The following CLCA2 variants were observed in gnomAD, a reference collection of about 807,000 sequenced individuals.
CLCA2 encodes chloride channel accessory 2, also known as calcium-activated chloride channel regulator 2.
A neutral mutation model predicts 82.9 loss-of-function variants in CLCA2; 85 were observed. The observed-to-expected ratio is 1.03, with a 90% CI of 0.86 to 1.23. The LOEUF is 1.23. Among genes scored for constraint, CLCA2 ranks in the 50% most tolerant of loss-of-function variants. The pLI is 0.00. For synonymous variants in CLCA2, 421 were observed against 391.7 expected (o/e 1.07, Z -0.88); for missense variants, 1,089 against 1,124.8 (o/e 0.97, Z 0.45).
intron 11 of CLCA2, among the ~76,000 whole-genome samples, chr1:86,449,688 T>G (rs75726109): frequency 0.017 from 2,569 of 152,306 alleles, 77 homozygotes; most frequent in African/African-American, 0.059. Context: ...ACACTGCTGG[T>G]ATGCAGGGCT....
Position 86,452,568 on chromosome 1 carries a change from A to G in CLCA2, c.2156-801A>G, listed in dbSNP as rs762280568. 7.2e-5 allele frequency among the ~76,000 whole-genome samples: 11 copies of G among 152,186 alleles called. No homozygotes were observed. In the South Asian group the frequency reaches 1.7e-3, roughly 23 times the overall value. On this transcript the variant is annotated intron_variant, in intron 12 of 13. Coordinates refer to ENST00000370565, the MANE Select transcript of CLCA2 (RefSeq NM_006536.7). ...TCTCAAACGACTCTCCTTGCTTTTA[A>G]TTTAGCTTTTCTAACTTGAAACCTC...
intron 3 of CLCA2, among the ~76,000 whole-genome samples, chr1:86,429,135 C>G (rs1662445025): frequency 1.3e-5 from 2 of 152,006 alleles, no homozygotes; most frequent in Admixed American, 6.6e-5. Flanking sequence ...TTCCTCTGAT[C>G]AATGAAGGAG....
At chr1:86,450,421 T>C (rs1662937361) in intron 11 of CLCA2, 142 bp from the exon 12 acceptor site, 3 of 582,762 alleles carry the variant, frequency 5.1e-6, no homozygotes, top group South Asian at 9.2e-5. Context: ...TTTTATCACC[T>C]GAGAATGTAA....
chr1:86,427,219 C>T (rs1442813564), intron 2 of CLCA2, among the ~76,000 whole-genome samples: 1 of 151,872 alleles, frequency 6.6e-6, no homozygotes, highest in Non-Finnish European at 1.5e-5. Flanking sequence ...TATAAAGTAA[C>T]CCCAAACAGC....
rs1466384592 is a variant in CLCA2, at chr1:86,456,129, G to C, written c.*602G>C. On this transcript the variant is annotated 3_prime_UTR_variant, in exon 14 of 14. Coordinates refer to ENST00000370565, the MANE Select transcript of CLCA2 (RefSeq NM_006536.7). ...GTATTACCTTTGTCTCTTCATACCG[G>C]TTTTATGACAAAGGTCTATTGAATT... 1 of 152,018 alleles carries C rather than the reference G, an allele frequency of 6.6e-6. No homozygotes were observed. The highest frequency in any genetic ancestry group is 6.6e-5 in the Admixed American group (1 of 15,254). The allele number at this position is 152,018 out of a possible 1,614,324, so 9.4% of individuals were successfully genotyped here.
At chr1:86,425,231 CT>C in intron 1 of CLCA2, 107 bp from the exon 2 acceptor site, 1 of 725,820 alleles carries the variant, frequency 1.4e-6, no homozygotes, top group Non-Finnish European at 2.0e-6. Context: ...AGAAATGGGT[CT>C]CTTCAAAATA....
intron 3 of CLCA2, among the ~76,000 whole-genome samples, chr1:86,430,299 A>T (rs191740927): frequency 6.6e-6 from 1 of 152,316 alleles, no homozygotes; most frequent in East Asian, 1.9e-4. Flanking sequence ...GGGATAAAAT[A>T]AAAGAGAAGG....
intron 10 of CLCA2, 40 bp downstream of exon 10, chr1:86,444,051 C>A: frequency 1.5e-6 from 2 of 1,317,592 alleles, no homozygotes; most frequent in African/African-American, 1.5e-5. Context: ...AACGTTCAAC[C>A]AAGTTTATGA....
intron 10 of CLCA2, among the ~76,000 whole-genome samples, chr1:86,447,148 C>T (rs908731777): frequency 2.6e-5 from 4 of 152,236 alleles, no homozygotes; most frequent in Middle Eastern, 3.4e-3. Context: ...CATTTAAACG[C>T]CTTTTTGGGG....
Position 86,424,292 on chromosome 1 carries a change from T to G in CLCA2, c.45T>G (p.Phe15Leu). Residue 15 changes from phenylalanine to leucine, a missense_variant, in exon 1 of 14, where the codon TTT becomes TTG. Coordinates refer to ENST00000370565, the MANE Select transcript of CLCA2 (RefSeq NM_006536.7). ...CAGGTCCTATTTGCAACCTGAAGTT[T>G]GTGACTCTCCTGGTTGCCTTAAGTT... ...SIAGPICNLK[F>L]VTLLVALSSE... 1 of 1,613,860 alleles carries G rather than the reference T, an allele frequency of 6.2e-7. No homozygotes were observed. The highest frequency in any genetic ancestry group is 8.5e-7 in the Non-Finnish European group (1 of 1,179,890).
In CLCA2 at chr1:86,424,198, C is replaced by G. The variant is rs1032639580; in HGVS notation, c.-50C>G. On this transcript the variant is annotated 5_prime_UTR_variant, in exon 1 of 14. Transcript: ENST00000370565. ...CTGCATCCATATTGAAAACCTGACACAATGTATGCAGCAGGCTCAGTGTGA... is the reference window on the plus strand; with the variant it reads ...CTGCATCCATATTGAAAACCTGACAGAATGTATGCAGCAGGCTCAGTGTGA... The G allele has an allele frequency of 6.5e-7, 1 of 1,529,210 alleles. No individual in the cohort carries two copies. 94.7% of individuals were successfully genotyped at this position (1,529,210 alleles called of 1,614,324 possible).
At chr1:86,445,118 A>C (rs1482811095) in intron 10 of CLCA2, among the ~76,000 whole-genome samples, 3 of 151,880 alleles carry the variant, frequency 2.0e-5, no homozygotes, top group Non-Finnish European at 4.4e-5. Flanking sequence ...GGCTGTTCTC[A>C]AACTCCTGAC....
intron 13 of CLCA2, 86 bp from the exon 14 acceptor site, chr1:86,454,999 G>A (rs944099563): frequency 5.5e-6 from 4 of 728,730 alleles, no homozygotes; most frequent in African/African-American, 3.6e-5. Context: ...TTGACTTTTT[G>A]TTGCTGTTCT....
chr1:86,452,812 A>G (rs1662999464), intron 12 of CLCA2, among the ~76,000 whole-genome samples: 1 of 152,208 alleles, frequency 6.6e-6, no homozygotes, highest in Non-Finnish European at 1.5e-5. Context: ...AATATGATTA[A>G]CATGACTATA....
Position 86,450,605 on chromosome 1 carries a change from T to C in CLCA2, c.2027T>C (p.Phe676Ser), listed in dbSNP as rs1318357903. The change falls in exon 12 of 14, where the codon TTT becomes TCT. Residue 676 changes from phenylalanine (F) to serine (S), a missense_variant. Transcript: ENST00000370565. Reference protein sequence around the residue: ...IKNDGIYSRYFFSFAANGRYS... With the variant: ...IKNDGIYSRYSFSFAANGRYS... ...AATGATGGAATTTACTCGAGGTATT[T>C]TTTCTCCTTTGCTGCAAATGGTAGA... 4 of 1,613,094 alleles carry C rather than the reference T, an allele frequency of 2.5e-6. No individual in the cohort carries two copies. Among genetic ancestry groups the C allele is most frequent in the Non-Finnish European group, 3.4e-6 (4 of 1,179,502 alleles).
chr1:86,442,304 G>C (rs1379892319), intron 9 of CLCA2, among the ~76,000 whole-genome samples: 2 of 152,170 alleles, frequency 1.3e-5, no homozygotes, highest in African/African-American at 2.4e-5. Flanking sequence ...ATCTAGTACA[G>C]ATTAGGCTAC....
intron 6 of CLCA2, among the ~76,000 whole-genome samples, chr1:86,436,301 T>C (rs1320954672): frequency 6.6e-6 from 1 of 152,100 alleles, no homozygotes; most frequent in Non-Finnish European, 1.5e-5. Flanking sequence ...CATGGAAGAG[T>C]ATTTACCCCG....
In CLCA2 at chr1:86,450,031, C is replaced by A. The variant is rs181665643; in HGVS notation, c.1985-532C>A. ...GAATCTAGAAAAACAGTTCCAGATA[C>A]CCTCTAATGAGGAAATTAAGTAATT... On this transcript the variant is annotated intron_variant, in intron 11 of 13. Transcript: ENST00000370565. Among the ~76,000 whole-genome samples, 80 of 152,248 alleles carry A rather than the reference C, an allele frequency of 5.3e-4. 2 individuals carry two copies. The East Asian group carries it at 0.012, about 23-fold the overall frequency.
intron 6 of CLCA2, among the ~76,000 whole-genome samples, 189 bp downstream of exon 6, chr1:86,434,934 A>G (rs1558106693): frequency 1.3e-5 from 2 of 152,022 alleles, no homozygotes; most frequent in African/African-American, 4.8e-5. Context: ...CGCCTGCATT[A>G]ACTATTTATC....
Sources: allele counts gnomAD v4.1 joint callset (sites outside exome capture counted in the v4.1 genomes callset), GRCh38; gene constraint gnomAD v4.1.1; transcripts MANE v1.5; gene names NCBI Gene and HGNC (gene_info 2026-07-23, HGNC 2026-07-21).